KIF26B: variants seen among roughly 807,000 people sequenced by gnomAD.
KIF26B encodes kinesin family member 26B.
A neutral mutation model predicts 151.2 loss-of-function variants in KIF26B; 63 were observed. The observed-to-expected ratio is 0.42, with a 90% confidence interval of 0.34 to 0.51. KIF26B has a LOEUF of 0.51. Among genes scored for constraint, KIF26B ranks in the 20% least tolerant of loss-of-function variants. The pLI is 0.07. For synonymous variants in KIF26B, 1,357 were observed against 1,262.1 expected (o/e 1.08, Z -1.59); for missense variants, 2,813 against 2,913.6 (o/e 0.97, Z 0.79).
intron 2 of KIF26B, among the ~76,000 whole-genome samples, chr1:245,161,301 C>G (rs1668525904): frequency 2.6e-5 from 4 of 152,114 alleles, no homozygotes; most frequent in Admixed American, 2.6e-4. Flanking sequence ...TTCATTCTAC[C>G]AGACTATTAA....
chr1:245,415,793 T>C (rs1484889057), intron 3 of KIF26B, among the ~76,000 whole-genome samples: 1 of 151,824 alleles, frequency 6.6e-6, no homozygotes, highest in East Asian at 1.9e-4. Context: ...ATCTACTTTT[T>C]TTTTTTTTTT....
chr1:245,362,121 T>C (rs1412451200), intron 2 of KIF26B, among the ~76,000 whole-genome samples: 1 of 150,914 alleles, frequency 6.6e-6, no homozygotes, highest in African/African-American at 2.4e-5. Flanking sequence ...CGGTGAGAAA[T>C]ACTCTGGGTG....
chr1:245,208,392 GT>G (rs1048410537), intron 2 of KIF26B, among the ~76,000 whole-genome samples: 2 of 152,134 alleles, frequency 1.3e-5, no homozygotes, highest in African/African-American at 4.8e-5. Flanking sequence ...ATTGACACAA[GT>G]TGGTCATTTT....
chr1:245,428,067 C>T (rs909716791), intron 4 of KIF26B, among the ~76,000 whole-genome samples: 6 of 152,140 alleles, frequency 3.9e-5, no homozygotes, highest in Admixed American at 6.5e-5. Context: ...TTGTCCTGGC[C>T]GGCCCTGCCT....
intron 5 of KIF26B, among the ~76,000 whole-genome samples, chr1:245,553,312 C>T (rs1406937801): frequency 6.6e-6 from 1 of 152,180 alleles, no homozygotes; most frequent in East Asian, 1.9e-4. Context: ...CTGCATGAGA[C>T]TGTCTCTCTA....
chr1:245,423,917 C>A (rs1195030637), intron 4 of KIF26B, among the ~76,000 whole-genome samples: 2 of 152,110 alleles, frequency 1.3e-5, no homozygotes, highest in Non-Finnish European at 2.9e-5. Flanking sequence ...CAGCTCACTG[C>A]AGCCTCAGCC....
intron 10 of KIF26B, among the ~76,000 whole-genome samples, chr1:245,680,945 T>C (rs2044427959): frequency 6.6e-6 from 1 of 152,176 alleles, no homozygotes; most frequent in Non-Finnish European, 1.5e-5. Flanking sequence ...TGCTTTCTGA[T>C]GGTTATTTTG....
rs894040265 is a variant in KIF26B at position 245,512,314 on chromosome 1, G to A, written c.1167-28453G>A. ...TCCCAGCCCCCATCCTTCTCTCTGA[G>A]TCTTGGAACATCATGAAAGACTCTT... On this transcript the variant is annotated intron_variant, in intron 4 of 14. Transcript: ENST00000407071. The surrounding 1 kb of genome is among the most constrained non-coding windows in gnomAD (Gnocchi z 4.3). Among the ~76,000 whole-genome samples the A allele has an allele frequency of 1.3e-5, 2 of 152,122 alleles. No individual in the cohort carries two copies. Among genetic ancestry groups the A allele is most frequent in the Non-Finnish European group, 1.5e-5 (1 of 68,038 alleles).
intron 8 of KIF26B, among the ~76,000 whole-genome samples, chr1:245,610,835 A>G (rs1453899777): frequency 6.6e-6 from 1 of 152,250 alleles, no homozygotes; most frequent in Admixed American, 6.5e-5. Flanking sequence ...TTGAAGTCTG[A>G]GGATTTTGAT....
intron 2 of KIF26B, among the ~76,000 whole-genome samples, chr1:245,350,485 T>G (rs1271443133): frequency 6.6e-6 from 1 of 152,168 alleles, no homozygotes; most frequent in Non-Finnish European, 1.5e-5. Flanking sequence ...CTCATCCCAG[T>G]GCAAAGTGTC....
chr1:245,295,444 C>T (rs1484524351), intron 2 of KIF26B, among the ~76,000 whole-genome samples: 3 of 152,202 alleles, frequency 2.0e-5, no homozygotes, highest in Non-Finnish European at 4.4e-5. Context: ...ACAGAGAACT[C>T]TACCCATGGG....
intron 5 of KIF26B, among the ~76,000 whole-genome samples, chr1:245,575,641 C>T (rs923877595): frequency 6.6e-6 from 1 of 152,102 alleles, no homozygotes; most frequent in Non-Finnish European, 1.5e-5. Context: ...TCCAACTTTC[C>T]CCTCAGAGAG....
intron 2 of KIF26B, among the ~76,000 whole-genome samples, chr1:245,253,752 T>A (rs1016855272): frequency 6.6e-6 from 1 of 150,416 alleles, no homozygotes; most frequent in Admixed American, 6.6e-5. Context: ...ATATATAGAT[T>A]AAAAAATTTT....
At chr1:245,344,167 CCT>C (rs1292210079) in intron 2 of KIF26B, among the ~76,000 whole-genome samples, 4 of 151,546 alleles carry the variant, frequency 2.6e-5, no homozygotes, top group Admixed American at 2.0e-4. Context: ...CTTCCCCCTC[CCT>C]GTCTCCCTCC....
intron 2 of KIF26B, among the ~76,000 whole-genome samples, chr1:245,202,249 C>T (rs938343905): frequency 6.9e-6 from 1 of 145,792 alleles, no homozygotes; most frequent in Non-Finnish European, 1.5e-5. Context: ...ACTGCCCTCA[C>T]TGCAGAGCAC....
chr1:245,665,999 C>CTTTTTT (rs33957488), intron 10 of KIF26B, among the ~76,000 whole-genome samples: 74 of 107,400 alleles, frequency 6.9e-4, no homozygotes, highest in Non-Finnish European at 1.1e-3. Context: ...ACATTATGTC[C>CTTTTTT]TTTTTTTTTT....
chr1:245,464,605 C>G (rs1272307537), intron 4 of KIF26B, among the ~76,000 whole-genome samples: 1 of 92,314 alleles, frequency 1.1e-5, no homozygotes, highest in Admixed American at 1.1e-4. Context: ...GTGTGCTGTG[C>G]GTGTGGGTGT....
At chr1:245,155,674 T>A (rs1014831546) in intron 1 of KIF26B, among the ~76,000 whole-genome samples, 187 bp downstream of exon 1, 1 of 152,152 alleles carries the variant, frequency 6.6e-6, no homozygotes, top group Non-Finnish European at 1.5e-5. Flanking sequence ...CTCGCCTCGC[T>A]CTCGGAATTT....
intron 10 of KIF26B, among the ~76,000 whole-genome samples, chr1:245,672,639 C>T (rs1231621833): frequency 1.3e-5 from 2 of 152,134 alleles, no homozygotes; most frequent in Non-Finnish European, 2.9e-5. Flanking sequence ...GCAACAGCTG[C>T]TTGGGGCTCA....
Sources: gnomAD v4.1 joint callset for allele counts (sites outside exome capture counted in the v4.1 genomes callset) on GRCh38, gnomAD v4.1.1 for gene constraint, Gnocchi (gnomAD v3.1) non-coding constraint, MANE v1.5 for transcripts, NCBI Gene and HGNC (gene_info 2026-07-23, HGNC 2026-07-21) for gene names.